MARCHF4: variants seen among roughly 807,000 people sequenced by gnomAD.
The protein encoded by MARCHF4 is membrane associated ring-CH-type finger 4.
A neutral mutation model predicts 43.9 loss-of-function variants in MARCHF4; 14 were observed. That is an observed-to-expected ratio of 0.32 (90% confidence interval 0.21 to 0.50). The LOEUF is 0.50. MARCHF4 is among the 20% of genes least tolerant of loss of function. The pLI, the probability that MARCHF4 is intolerant of heterozygous loss-of-function variation, is 0.98. For synonymous variants in MARCHF4, 226 were observed against 213.3 expected (o/e 1.06, Z -0.52); for missense variants, 468 against 536.7 (o/e 0.87, Z 1.27).
intron 1 of MARCHF4, among the ~76,000 whole-genome samples, chr2:216,360,683 C>T (rs1168408513): frequency 6.6e-6 from 1 of 152,126 alleles, no homozygotes; most frequent in Non-Finnish European, 1.5e-5. Flanking sequence ...ATGGTAGATA[C>T]ATGTCACTAT....
At chr2:216,306,053 T>A (rs1308502059) in intron 1 of MARCHF4, among the ~76,000 whole-genome samples, 1 of 152,160 alleles carries the variant, frequency 6.6e-6, no homozygotes, top group Admixed American at 6.5e-5. Flanking sequence ...ATAATTATCA[T>A]CATTGTAGAG....
intron 1 of MARCHF4, among the ~76,000 whole-genome samples, chr2:216,347,368 A>G (rs1236019868): frequency 1.3e-5 from 2 of 152,236 alleles, no homozygotes; most frequent in East Asian, 3.8e-4. Context: ...GAAAATAAAA[A>G]TGAAAGCAGG....
At chr2:216,286,804 T>C (rs774622028) in intron 1 of MARCHF4, among the ~76,000 whole-genome samples, 5 of 152,204 alleles carry the variant, frequency 3.3e-5, no homozygotes, top group Admixed American at 1.3e-4. Context: ...TGGTCAGACC[T>C]GTATGTCTCC....
chr2:216,325,418 C>A lies in MARCHF4; in HGVS notation c.517-41689G>T, dbSNP rs181014795. ...AGGTAATTTACAGATTCAATGCTAT[C>A]TCCATCAAGCTACCAATGACTTTCT... On this transcript the variant is annotated intron_variant, in intron 1 of 3. Coordinates refer to ENST00000273067, the MANE Select transcript of MARCHF4 (RefSeq NM_020814.3). Among the ~76,000 whole-genome samples, 771 of 152,262 alleles carry A rather than the reference C, an allele frequency of 5.1e-3. 9 individuals carry two copies. Among genetic ancestry groups the A allele is most frequent in the African/African-American group, 0.018 (729 of 41,528 alleles).
Position 216,350,131 on chromosome 2 carries a change from C to T in MARCHF4, c.516+19614G>A, listed in dbSNP as rs1192351452. On this transcript the variant is annotated intron_variant, in intron 1 of 3. Coordinates refer to ENST00000273067, the MANE Select transcript of MARCHF4 (RefSeq NM_020814.3). ...AACCATGCTATGCCACACGATGCCACGCCATGCCACACCACCACGACCATG... is the reference window on the plus strand; with the variant it reads ...AACCATGCTATGCCACACGATGCCATGCCATGCCACACCACCACGACCATG... 5.9e-5 allele frequency among the ~76,000 whole-genome samples: 9 copies of T among 152,004 alleles called. No homozygotes were observed. The East Asian group carries it at 9.7e-4, about 16-fold the overall frequency.
intron 3 of MARCHF4, among the ~76,000 whole-genome samples, chr2:216,263,750 C>T (rs1474767625): frequency 1.3e-5 from 2 of 152,068 alleles, no homozygotes; most frequent in Admixed American, 1.3e-4. Flanking sequence ...GTGAGGGAAA[C>T]GGTGTTCTCA....
intron 1 of MARCHF4, among the ~76,000 whole-genome samples, chr2:216,366,677 G>T (rs1692671145): frequency 6.6e-6 from 1 of 152,154 alleles, no homozygotes; most frequent in South Asian, 2.1e-4. Flanking sequence ...TTCTTAGGAA[G>T]ACTTTTCCTG....
In MARCHF4 at chr2:216,259,750, C is replaced by T. The variant is rs546161414; in HGVS notation, c.866-71G>A. On this transcript the variant is annotated intron_variant, in intron 3 of 3. Transcript: ENST00000273067. ...TGGGTCACGGCCAGGAGACCACAGT[C>T]TCTCTGAATCTATGCAAGGTATGGG... The T allele has an allele frequency of 2.7e-6, 4 of 1,458,018 alleles. No individual in the cohort carries two copies. The South Asian group carries it at 5.0e-5, about 18-fold the overall frequency. The allele number at this position is 1,458,018 out of a possible 1,614,324, so 90.3% of individuals were successfully genotyped here. A position where few individuals can be genotyped will look rare whatever the true frequency, so the allele number is the denominator to read the frequency against.
At chr2:216,289,416 C>T (rs1448035499) in intron 1 of MARCHF4, among the ~76,000 whole-genome samples, 1 of 152,154 alleles carries the variant, frequency 6.6e-6, no homozygotes, top group Non-Finnish European at 1.5e-5. Flanking sequence ...AATAAACTTG[C>T]TCGTTTTTCT....
At chr2:216,358,898 G>A (rs1482018052) in intron 1 of MARCHF4, among the ~76,000 whole-genome samples, 2 of 152,216 alleles carry the variant, frequency 1.3e-5, no homozygotes, top group Non-Finnish European at 2.9e-5. Context: ...GAGGGATAGA[G>A]CTGTGTACCA....
intron 1 of MARCHF4, among the ~76,000 whole-genome samples, chr2:216,296,249 G>A (rs939922729): frequency 6.6e-6 from 1 of 152,352 alleles, no homozygotes; most frequent in Middle Eastern, 3.4e-3. Flanking sequence ...GGGAGGCTGA[G>A]GCAGGAGAAT....
intron 1 of MARCHF4, among the ~76,000 whole-genome samples, chr2:216,289,500 C>T (rs115139909): frequency 2.0e-5 from 3 of 152,238 alleles, no homozygotes; most frequent in East Asian, 1.9e-4. Flanking sequence ...AAATTGTTTC[C>T]CTCCCAACAC....
At chr2:216,278,460 C>T (rs1438942460) in intron 2 of MARCHF4, among the ~76,000 whole-genome samples, 3 of 152,098 alleles carry the variant, frequency 2.0e-5, no homozygotes, top group Non-Finnish European at 2.9e-5. Context: ...CTCCTGACCT[C>T]GTGATCCGCC....
chr2:216,332,189 G>A (rs939765405), intron 1 of MARCHF4, among the ~76,000 whole-genome samples: 1 of 152,062 alleles, frequency 6.6e-6, no homozygotes, highest in Admixed American at 6.6e-5. Context: ...CCAGGAATTT[G>A]AGATCAGCCT....
chr2:216,363,120 T>C (rs953614665), intron 1 of MARCHF4, among the ~76,000 whole-genome samples: 1 of 152,192 alleles, frequency 6.6e-6, no homozygotes. Context: ...CCAGTATCTC[T>C]CCTTTTTCTC....
At chr2:216,314,270 G>T (rs1169598368) in intron 1 of MARCHF4, among the ~76,000 whole-genome samples, 1 of 151,516 alleles carries the variant, frequency 6.6e-6, no homozygotes, top group African/African-American at 2.4e-5. Flanking sequence ...CCTCCATAGA[G>T]TTTACAATCT....
At chr2:216,288,438 A>G (rs1462952154) in intron 1 of MARCHF4, among the ~76,000 whole-genome samples, 2 of 152,204 alleles carry the variant, frequency 1.3e-5, no homozygotes, top group Admixed American at 6.5e-5. Flanking sequence ...GGTGAAATAG[A>G]TAAGGAAGGG....
At chr2:216,301,237 A>C (rs1235298328) in intron 1 of MARCHF4, among the ~76,000 whole-genome samples, 2 of 152,232 alleles carry the variant, frequency 1.3e-5, no homozygotes, top group Admixed American at 1.3e-4. Flanking sequence ...GCATGGCAGC[A>C]AGAACCTCCC....
intron 1 of MARCHF4, among the ~76,000 whole-genome samples, chr2:216,348,132 G>A (rs1011236510): frequency 2.0e-5 from 3 of 149,668 alleles, no homozygotes; most frequent in Admixed American, 1.3e-4. Flanking sequence ...CCGCCTCCCC[G>A]GTTCAAGTGA....
Sources: allele counts gnomAD v4.1 joint callset (sites outside exome capture counted in the v4.1 genomes callset), GRCh38; gene constraint gnomAD v4.1.1; transcripts MANE v1.5; gene names NCBI Gene and HGNC (gene_info 2026-07-23, HGNC 2026-07-21).